Variants in PRMT3 observed in about 807,000 individuals in gnomAD.
PRMT3 encodes the protein protein arginine N-methyltransferase 3.
PRMT3 carries 62 observed loss-of-function variants against 71.9 expected under a neutral mutation model. That is an observed-to-expected ratio of 0.86 (90% CI 0.70 to 1.07). PRMT3 has a LOEUF of 1.07. Among genes scored for constraint, PRMT3 ranks in the 50% least tolerant of loss-of-function variants. The pLI, the probability that PRMT3 is intolerant of heterozygous loss-of-function variation, is 0.00. For missense variants in PRMT3, 663 were observed against 643.0 expected (o/e 1.03, Z -0.34); for synonymous variants, 213 against 220.4 (o/e 0.97, Z 0.30).
chr11:20,416,411 A>G (rs974346920), intron 9 of PRMT3, among the ~76,000 whole-genome samples: 1 of 152,192 alleles, frequency 6.6e-6, no homozygotes, highest in Non-Finnish European at 1.5e-5. Flanking sequence ...TGTAAACTTT[A>G]CTAAAATATC....
At chr11:20,437,613 G>A (rs977022004) in intron 10 of PRMT3, among the ~76,000 whole-genome samples, 5 of 151,272 alleles carry the variant, frequency 3.3e-5, no homozygotes, top group African/African-American at 4.9e-5. Context: ...TTTTTGAGAC[G>A]GAGTCTCGCT....
intron 4 of PRMT3, 139 bp from the exon 5 acceptor site, chr11:20,392,758 G>T: frequency 1.8e-6 from 1 of 546,242 alleles, no homozygotes; most frequent in East Asian, 3.0e-5. Flanking sequence ...GAAATGACAG[G>T]CACGTAGACT....
intron 13 of PRMT3, among the ~76,000 whole-genome samples, chr11:20,491,085 A>G (rs1447549929): frequency 6.6e-6 from 1 of 152,084 alleles, no homozygotes; most frequent in Non-Finnish European, 1.5e-5. Context: ...GATAATTTCT[A>G]TCAATCTTCA....
chr11:20,402,827 G>A, intron 7 of PRMT3, 92 bp from the exon 8 acceptor site: 1 of 902,176 alleles, frequency 1.1e-6, no homozygotes, highest in Non-Finnish European at 1.7e-6. Context: ...ATGGAAACTA[G>A]CAATGTGTGT....
At chr11:20,424,270 T>C (rs374760438) in intron 9 of PRMT3, among the ~76,000 whole-genome samples, 11,361 of 151,716 alleles carry the variant, frequency 0.075, 590 homozygotes, top group Middle Eastern at 0.16. Context: ...TTTAAGGAGG[T>C]ACTATCAAAT....
intron 13 of PRMT3, among the ~76,000 whole-genome samples, chr11:20,484,893 G>A (rs561643237): frequency 1.3e-5 from 2 of 152,304 alleles, no homozygotes; most frequent in East Asian, 3.9e-4. Context: ...GTACTACTAA[G>A]CCAAGACTCA....
At chr11:20,388,414 G>A (rs1345799240) in intron 2 of PRMT3, among the ~76,000 whole-genome samples, 1 of 152,226 alleles carries the variant, frequency 6.6e-6, no homozygotes, top group South Asian at 2.1e-4. Context: ...CTTGTCACTT[G>A]AGACGCTGAA....
At chr11:20,425,915 A>G (rs1218746798) in intron 9 of PRMT3, among the ~76,000 whole-genome samples, 2 of 152,214 alleles carry the variant, frequency 1.3e-5, no homozygotes, top group Non-Finnish European at 2.9e-5. Context: ...AAGGGGTACA[A>G]TTTCTTCTTT....
chr11:20,446,289 T>C (rs555495901), intron 10 of PRMT3, among the ~76,000 whole-genome samples: 52 of 152,250 alleles, frequency 3.4e-4, no homozygotes, highest in African/African-American at 1.2e-3. Flanking sequence ...TGAAGTAATA[T>C]ATTTTTTGTC....
chr11:20,502,588 A>G (rs1851483935), intron 15 of PRMT3, among the ~76,000 whole-genome samples: 1 of 152,110 alleles, frequency 6.6e-6, no homozygotes, highest in Non-Finnish European at 1.5e-5. Context: ...GGGGTTTTTT[A>G]TTTCTAAACT....
intron 9 of PRMT3, among the ~76,000 whole-genome samples, chr11:20,423,271 CAA>C (rs1169578192): frequency 1.3e-5 from 2 of 152,118 alleles, no homozygotes; most frequent in South Asian, 2.1e-4. Context: ...TGTCAGTAGC[CAA>C]AGAGATTGTT....
At chr11:20,437,070 A>G (rs974853047) in intron 10 of PRMT3, among the ~76,000 whole-genome samples, 1 of 152,112 alleles carries the variant, frequency 6.6e-6, no homozygotes, top group African/African-American at 2.4e-5. Flanking sequence ...GTTGTTCATC[A>G]TAGTCTCTAA....
At chr11:20,493,573 G>A (rs904489005) in intron 13 of PRMT3, among the ~76,000 whole-genome samples, 19 of 152,208 alleles carry the variant, frequency 1.2e-4, no homozygotes, top group African/African-American at 2.7e-4. Context: ...AGCCTAATGC[G>A]TGGGTGGACA....
chr11:20,482,116 C>T (rs966573471), intron 13 of PRMT3, among the ~76,000 whole-genome samples: 8 of 151,716 alleles, frequency 5.3e-5, no homozygotes, highest in Admixed American at 4.6e-4. Flanking sequence ...ATAACCTGTC[C>T]ATAGAGTTAA....
chr11:20,426,892 T>TC (rs770832053), intron 10 of PRMT3, 27 bp downstream of exon 10: 1 of 1,505,464 alleles, frequency 6.6e-7, no homozygotes, highest in Non-Finnish European at 8.8e-7. Flanking sequence ...AAAACTACTT[T>TC]CACTGGTAAA....
intron 10 of PRMT3, among the ~76,000 whole-genome samples, chr11:20,444,601 T>C (rs763555810): frequency 1.3e-5 from 2 of 152,180 alleles, no homozygotes; most frequent in South Asian, 2.1e-4. Flanking sequence ...AATTTGGTTG[T>C]GATAAGAGAA....
At chr11:20,392,601 C>T (rs866122662) in intron 4 of PRMT3, among the ~76,000 whole-genome samples, 9 of 143,402 alleles carry the variant, frequency 6.3e-5, no homozygotes, top group South Asian at 2.3e-4. Flanking sequence ...CTTTTTTATT[C>T]TGTTTTTTTT....
At chr11:20,481,581 C>G (rs1016922422) in intron 13 of PRMT3, among the ~76,000 whole-genome samples, 2 of 152,206 alleles carry the variant, frequency 1.3e-5, no homozygotes, top group Non-Finnish European at 2.9e-5. Context: ...ATATGTTAGT[C>G]TCTAAAATGA....
Position 20,508,314 on chromosome 11 carries a change from G to C in PRMT3, c.1497G>C (p.Leu499Phe), listed in dbSNP as rs980516651. The C allele has an allele frequency of 1.2e-6, 2 of 1,605,454 alleles. No individual in the cohort carries two copies. Among genetic ancestry groups the C allele is most frequent in the Admixed American group, 3.3e-5 (2 of 59,980 alleles). The stretch of plus-strand genomic sequence containing the variant: ...GCCTTTGTTTTACAGGTGAAGCCTT[G>C]AAAGGAAAGGTCACAGTTCACAAGA... Reference protein sequence around the residue: ...KPFSVKAGEALKGKVTVHKNK... With the variant: ...KPFSVKAGEAFKGKVTVHKNK... The change falls in exon 16 of 16, where the codon TTG becomes TTC. Residue 499 changes from leucine to phenylalanine, a missense_variant. Leu to Phe is a conservative substitution (Grantham distance 22, BLOSUM62 0). Transcript: ENST00000331079.
Sources: allele counts gnomAD v4.1 joint callset (sites outside exome capture counted in the v4.1 genomes callset), GRCh38; gene constraint gnomAD v4.1.1; transcripts MANE v1.5; gene names NCBI Gene and HGNC (gene_info 2026-07-23, HGNC 2026-07-21).